FAM13A: variants seen among roughly 807,000 people sequenced by gnomAD.
FAM13A encodes family with sequence similarity 13 member A.
A neutral mutation model predicts 129.6 loss-of-function variants in FAM13A; 76 were observed. The ratio of observed to expected loss-of-function variants is 0.59; its 90% CI spans 0.49 to 0.71. The LOEUF (loss-of-function observed/expected upper bound fraction) is 0.71. Ranked by LOEUF, FAM13A falls within the 30% of genes least tolerant of loss-of-function variation. FAM13A has a pLI of 0.00. For synonymous variants in FAM13A, 443 were observed against 449.9 expected (o/e 0.98, Z 0.20); for missense variants, 1,108 against 1,249.3 (o/e 0.89, Z 1.70).
intron 2 of FAM13A, among the ~76,000 whole-genome samples, chr4:89,026,233 TA>T (rs2149122551): frequency 6.6e-6 from 1 of 152,350 alleles, no homozygotes; most frequent in Admixed American, 6.5e-5. Context: ...TAAATCCTGT[TA>T]AAGCTGGTTG....
At chr4:88,983,168 A>G (rs545843159) in intron 4 of FAM13A, among the ~76,000 whole-genome samples, 6 of 152,188 alleles carry the variant, frequency 3.9e-5, no homozygotes, top group South Asian at 2.1e-4. Flanking sequence ...GTACTACCCA[A>G]TAAAACTTCT....
intron 3 of FAM13A, among the ~76,000 whole-genome samples, chr4:88,994,493 G>A (rs1763289380): frequency 2.0e-5 from 3 of 152,138 alleles, no homozygotes; most frequent in Admixed American, 2.0e-4. Context: ...GGGCAGTGGT[G>A]GTACAAATGT....
At chr4:88,830,120 A>T (rs554083447) in intron 7 of FAM13A, among the ~76,000 whole-genome samples, 38 of 152,288 alleles carry the variant, frequency 2.5e-4, no homozygotes, top group African/African-American at 8.4e-4. Context: ...TCTGCTACTG[A>T]GTGGCAGGAG....
chr4:88,726,299 TAA>T lies in FAM13A; in HGVS notation c.*2232_*2233del, dbSNP rs1491489269. On this transcript the variant is annotated 3_prime_UTR_variant, in exon 24 of 24. Coordinates refer to ENST00000264344, the MANE Select transcript of FAM13A (RefSeq NM_014883.4). Reference sequence around the variant, plus strand: ...TCTGGGCTCCATTCCATGAAGAATATAAGTTAGTTAGTTAGTTAGTGGAAATT... The same window carrying T: ...TCTGGGCTCCATTCCATGAAGAATATGTTAGTTAGTTAGTTAGTGGAAATT... 1 of 150,934 alleles carries T rather than the reference TAA, an allele frequency of 6.6e-6. No homozygotes were observed. Among genetic ancestry groups the T allele is most frequent in the African/African-American group, 2.4e-5 (1 of 41,118 alleles). The allele number at this position is 150,934 out of a possible 1,614,324, so 9.3% of individuals were successfully genotyped here. A position where few individuals can be genotyped will look rare whatever the true frequency, so the allele number is the denominator to read the frequency against.
chr4:88,870,355 G>C (rs1214399350), intron 6 of FAM13A, among the ~76,000 whole-genome samples: 3 of 152,188 alleles, frequency 2.0e-5, no homozygotes, highest in Non-Finnish European at 2.9e-5. Context: ...AAGTGCAAGG[G>C]GTCAGGGGAT....
At chr4:88,792,657 T>C (rs1725413949) in intron 8 of FAM13A, among the ~76,000 whole-genome samples, 1 of 152,062 alleles carries the variant, frequency 6.6e-6, no homozygotes, top group Non-Finnish European at 1.5e-5. Flanking sequence ...GGGACCCATA[T>C]GAGTAATGAC....
intron 6 of FAM13A, among the ~76,000 whole-genome samples, chr4:88,887,781 CCT>C (rs999265220): frequency 1.3e-5 from 2 of 152,154 alleles, no homozygotes; most frequent in Non-Finnish European, 2.9e-5. Context: ...GATCTGCTTG[CCT>C]TGGCCTCCCA....
At chr4:88,857,504 C>T (rs1201551249) in intron 6 of FAM13A, among the ~76,000 whole-genome samples, 2 of 151,768 alleles carry the variant, frequency 1.3e-5, no homozygotes, top group South Asian at 2.1e-4. Flanking sequence ...TGGCGCATGC[C>T]TGCAATACCA....
chr4:88,865,034 G>T (rs933409684), intron 6 of FAM13A, among the ~76,000 whole-genome samples: 1 of 152,144 alleles, frequency 6.6e-6, no homozygotes, highest in Admixed American at 6.6e-5. Flanking sequence ...GAAAGTATCT[G>T]CGAAAAAATG....
Position 88,747,035 on chromosome 4 carries a change from G to A in FAM13A, c.2383-20C>T. On this transcript the variant is annotated intron_variant, in intron 18 of 23. Transcript: ENST00000264344. The stretch of plus-strand genomic sequence containing the variant: ...CATATCCTGTATAAACACAGGGATA[G>A]AGAATTGAAAGAGAGGAAAATGTGT... The A allele has an allele frequency of 2.0e-6, 3 of 1,526,270 alleles. No individual in the cohort carries two copies. The highest frequency in any genetic ancestry group is 2.7e-6 in the Non-Finnish European group (3 of 1,102,376). The allele number at this position is 1,526,270 out of a possible 1,614,324, so 94.5% of individuals were successfully genotyped here.
At chr4:88,807,331 A>C (rs896013974) in intron 7 of FAM13A, among the ~76,000 whole-genome samples, 1 of 152,138 alleles carries the variant, frequency 6.6e-6, no homozygotes, top group Non-Finnish European at 1.5e-5. Flanking sequence ...TCTCCCTCAC[A>C]AATTTCATAT....
intron 6 of FAM13A, among the ~76,000 whole-genome samples, chr4:88,871,906 T>A (rs1346431019): frequency 6.6e-6 from 1 of 152,178 alleles, no homozygotes; most frequent in East Asian, 1.9e-4. Context: ...AAAGGTCGGG[T>A]TACCCACAAA....
chr4:88,910,500 A>C (rs1748915978), intron 5 of FAM13A, among the ~76,000 whole-genome samples: 1 of 151,888 alleles, frequency 6.6e-6, no homozygotes, highest in South Asian at 2.1e-4. Flanking sequence ...GCTCAATTTC[A>C]CTGGAGCAGG....
At chr4:88,815,754 T>C (rs942554788) in intron 7 of FAM13A, among the ~76,000 whole-genome samples, 4 of 152,184 alleles carry the variant, frequency 2.6e-5, no homozygotes, top group African/African-American at 9.6e-5. Flanking sequence ...AAAATGTTTA[T>C]TATAATCTGA....
At chr4:88,917,653 C>T (rs1274644118) in intron 5 of FAM13A, among the ~76,000 whole-genome samples, 2 of 152,196 alleles carry the variant, frequency 1.3e-5, no homozygotes, top group African/African-American at 2.4e-5. Flanking sequence ...GCCCTAATTA[C>T]TTATGTGCTT....
chr4:88,866,715 GT>G (rs1740524537), intron 6 of FAM13A, among the ~76,000 whole-genome samples: 1 of 152,090 alleles, frequency 6.6e-6, no homozygotes, highest in African/African-American at 2.4e-5. Flanking sequence ...AAGGTTGATA[GT>G]GCCCTATGCT....
chr4:88,977,226 G>A (rs1761036671), intron 4 of FAM13A, among the ~76,000 whole-genome samples: 2 of 152,098 alleles, frequency 1.3e-5, no homozygotes, highest in South Asian at 4.1e-4. Context: ...TTAAAAAAGG[G>A]TTACTTGAAC....
rs1220762871 is a variant in FAM13A at position 88,748,966 on chromosome 4, C to T, written c.2147G>A (p.Arg716Gln). The change falls in exon 17 of 24, where the codon CGG becomes CAG. Residue 716 changes from arginine (R) to glutamine (Q), a missense_variant. This residue lies in a region of FAM13A where 529 missense variants were observed against 621.2 expected (regional missense o/e 0.85). Transcript: ENST00000264344. The part of the protein sequence containing the change: ...LKWTNDLAKF[R>Q]RQLKESKLKI... ...ATTTTACCCACCTTTAAGTTGTCTC[C>T]GGAATTTGGCAAGGTCATTTGTCCA... 13 of 1,613,244 alleles carry T rather than the reference C, an allele frequency of 8.1e-6. No homozygotes were observed. Among genetic ancestry groups the T allele is most frequent in the Admixed American group, 6.7e-5 (4 of 59,988 alleles).
At position 89,015,236 on chromosome 4, in the gene FAM13A, C is replaced by T. The variant is rs150349901; in HGVS notation, c.427+5224G>A. ...GAAACTTCATTAGCAATTTTAATTT[C>T]GCCCCGGTCCTGTGATCTTACCCTG... is the stretch of plus-strand genomic sequence containing the variant. On this transcript the variant is annotated intron_variant, in intron 3 of 23. Transcript: ENST00000264344. Among the ~76,000 whole-genome samples the T allele has an allele frequency of 5.8e-3, 882 of 152,278 alleles. 10 individuals carry two copies. The highest frequency in any genetic ancestry group is 0.027 in the East Asian group (142 of 5,180).
Sources: allele counts gnomAD v4.1 joint callset (sites outside exome capture counted in the v4.1 genomes callset), GRCh38; gene constraint gnomAD v4.1.1; regional missense constraint gnomAD v4.1.1; transcripts MANE v1.5; gene names NCBI Gene and HGNC (gene_info 2026-07-23, HGNC 2026-07-21).